The following FAM240C variants were observed in gnomAD, a reference collection of about 807,000 sequenced individuals.
The protein encoded by FAM240C is family with sequence similarity 240 member C, also known as protein FAM240C.
A neutral mutation model predicts 10.0 loss-of-function variants in FAM240C; 14 were observed. The ratio of observed to expected loss-of-function variants is 1.40; its 90% CI spans 0.92 to 2.19. The LOEUF is 2.19. Among genes scored for constraint, FAM240C ranks in the 30% most tolerant of loss-of-function variants. The pLI, the probability that FAM240C is intolerant of heterozygous loss-of-function variation, is 0.00. For missense variants in FAM240C, 154 were observed against 122.3 expected (o/e 1.26, Z -1.22); for synonymous variants, 49 against 44.3 (o/e 1.11, Z -0.42).
chr2:241,899,531 G>C (rs1266495898), intron 1 of FAM240C, among the ~76,000 whole-genome samples: 1 of 152,210 alleles, frequency 6.6e-6, no homozygotes, highest in East Asian at 1.9e-4. Flanking sequence ...CACCTCCTCT[G>C]GTGTCTGGGC....
chr2:241,894,059 C>G lies in FAM240C; in HGVS notation c.*154G>C, dbSNP rs1304160700. 2.4e-6 allele frequency: 2 copies of G among 825,084 alleles called. No homozygotes were observed. Among genetic ancestry groups the G allele is most frequent in the Non-Finnish European group, 3.6e-6 (2 of 548,568 alleles). The allele number at this position is 825,084 out of a possible 1,614,324, so 51.1% of individuals were successfully genotyped here. A position where few individuals can be genotyped will look rare whatever the true frequency, so the allele number is the denominator to read the frequency against. ...CCCTGGGACTCTGCTGCAGCGTGGA[C>G]CCCGAGGTGGGATTATTACGGGGTC... On this transcript the variant is annotated 3_prime_UTR_variant, in exon 3 of 3. Transcript: ENST00000404031.
upstream of FAM240C, among the ~76,000 whole-genome samples, chr2:241,902,001 G>GGAGC (rs1281531574): frequency 6.6e-6 from 1 of 152,242 alleles, no homozygotes; most frequent in Non-Finnish European, 1.5e-5. The surrounding 1 kb of genome is among the most constrained non-coding windows in gnomAD (Gnocchi z 7.1). Flanking sequence ...CGTGCCTGAT[G>GGAGC]GAGCAGCAAG....
chr2:241,900,232 G>A lies in FAM240C; in HGVS notation c.12+126C>T, dbSNP rs1449192548. On this transcript the variant is annotated intron_variant, in intron 1 of 2. Coordinates refer to ENST00000404031, the MANE Select transcript of FAM240C (RefSeq NM_001382368.1). The surrounding 1 kb of genome is among the most constrained non-coding windows in gnomAD (Gnocchi z 4.5). ...AATTACAAAGTTCAGTTCCCCCAGC[G>A]AAATGCGGGTGGGCTCACGTCTTGT... 4.6e-6 allele frequency: 3 copies of A among 656,728 alleles called. No homozygotes were observed. Among genetic ancestry groups the A allele is most frequent in the Non-Finnish European group, 8.6e-6 (3 of 349,780 alleles). 40.7% of individuals were successfully genotyped at this position (656,728 alleles called of 1,614,324 possible).
chr2:241,901,841 G>C (rs373796594), upstream of FAM240C, among the ~76,000 whole-genome samples: 26 of 152,300 alleles, frequency 1.7e-4, no homozygotes, highest in African/African-American at 5.3e-4. The surrounding 1 kb of genome is among the most constrained non-coding windows in gnomAD (Gnocchi z 4.9). Context: ...TCCTATGCGC[G>C]AGCGCCCCGG....
chr2:241,900,471 GC>G, upstream of FAM240C: 1 of 694,702 alleles, frequency 1.4e-6, no homozygotes. This position sits in a 1 kb window ranked among gnomAD's most constrained non-coding sequence, Gnocchi z 4.5. Flanking sequence ...TGTTACATGG[GC>G]TCAGTGACAC....
upstream of FAM240C, among the ~76,000 whole-genome samples, chr2:241,902,317 T>TGCCGCCTCCCCTCCGCC (rs1369992272): frequency 1.1e-4 from 6 of 52,844 alleles, no homozygotes; most frequent in Admixed American, 4.4e-4. The surrounding 1 kb of genome is among the most constrained non-coding windows in gnomAD (Gnocchi z 7.1). Flanking sequence ...GAGTCCCGCC[T>TGCCGCCTCCCCTCCGCC]GCCGCCTCCC....
At chr2:241,898,208 G>A (rs1242811622) in intron 1 of FAM240C, among the ~76,000 whole-genome samples, 2 of 152,166 alleles carry the variant, frequency 1.3e-5, no homozygotes, top group African/African-American at 2.4e-5. Context: ...TTTTGGACTC[G>A]TGCATCTACG....
chr2:241,900,506 C>A, upstream of FAM240C: 2 of 656,246 alleles, frequency 3.0e-6, no homozygotes, highest in South Asian at 3.4e-5. The surrounding 1 kb of genome is among the most constrained non-coding windows in gnomAD (Gnocchi z 4.5). Flanking sequence ...CGGTTCAGTC[C>A]CAGAAAGACG....
chr2:241,901,142 G>C (rs918540068), upstream of FAM240C, among the ~76,000 whole-genome samples: 2 of 152,146 alleles, frequency 1.3e-5, no homozygotes, highest in Non-Finnish European at 2.9e-5. The surrounding 1 kb of genome is among the most constrained non-coding windows in gnomAD (Gnocchi z 4.9). Context: ...CCCAGCACAC[G>C]GGGGTCACCG....
upstream of FAM240C, among the ~76,000 whole-genome samples, chr2:241,902,050 GT>G (rs1701995129): frequency 1.3e-5 from 2 of 152,260 alleles, no homozygotes; most frequent in African/African-American, 4.8e-5. This position sits in a 1 kb window ranked among gnomAD's most constrained non-coding sequence, Gnocchi z 7.1. Flanking sequence ...GTGTTTCGGA[GT>G]TTGTAGGTCA....
intron 1 of FAM240C, chr2:241,899,248 T>G (rs76839945): frequency 0.071 from 92,540 of 1,300,912 alleles, 3,551 homozygotes; most frequent in East Asian, 0.14. Flanking sequence ...GCGCGGGCGC[T>G]GTGGCCTGCG....
upstream of FAM240C, among the ~76,000 whole-genome samples, chr2:241,901,529 G>T (rs889284518): frequency 1.8e-4 from 27 of 152,258 alleles, no homozygotes; most frequent in African/African-American, 6.3e-4. The surrounding 1 kb of genome is among the most constrained non-coding windows in gnomAD (Gnocchi z 4.9). Context: ...ATTGGGAGCT[G>T]TTCGTGATTT....
rs548491236 is a variant in FAM240C, at chr2:241,895,140, G to A, written c.162-801C>T. Among the ~76,000 whole-genome samples, 6 of 152,382 alleles carry A rather than the reference G, an allele frequency of 3.9e-5. No homozygotes were observed. The East Asian group carries it at 1.2e-3, about 29-fold the overall frequency. ...CCAGATGACGATGGTGCTGCTGAGT[G>A]GCAGGCAGTGTACCCCGGACGGCTG... is the stretch of plus-strand genomic sequence containing the variant. On this transcript the variant is annotated intron_variant, in intron 2 of 2. Coordinates refer to ENST00000404031, the MANE Select transcript of FAM240C (RefSeq NM_001382368.1).
intron 1 of FAM240C, chr2:241,899,240 G>C: frequency 3.1e-6 from 4 of 1,302,626 alleles, no homozygotes; most frequent in Non-Finnish European, 4.0e-6. Flanking sequence ...CTGCAGAGGC[G>C]CGGGCGCTGT....
intron 1 of FAM240C, among the ~76,000 whole-genome samples, chr2:241,898,701 G>T (rs1213442996): frequency 6.6e-6 from 1 of 152,228 alleles, no homozygotes; most frequent in Non-Finnish European, 1.5e-5. Flanking sequence ...GTGGAGCCTG[G>T]GTCCCTGGGC....
In FAM240C at chr2:241,899,839, G is replaced by A. The variant is rs141622310; in HGVS notation, c.12+519C>T. 2.6e-3 allele frequency among the ~76,000 whole-genome samples: 392 copies of A among 152,254 alleles called. 1 individual carries two copies. The highest frequency in any genetic ancestry group is 8.9e-3 in the African/African-American group (369 of 41,542). On this transcript the variant is annotated intron_variant, in intron 1 of 2. Transcript: ENST00000404031. ...TCCCAGCACTGTGGGAGGCCGAGGC[G>A]GGCGGATCACGAGGTCAGGAGATCC...
chr2:241,899,530 T>C (rs1701933090), intron 1 of FAM240C, among the ~76,000 whole-genome samples: 1 of 152,190 alleles, frequency 6.6e-6, no homozygotes, highest in Admixed American at 6.5e-5. Flanking sequence ...GCACCTCCTC[T>C]GGTGTCTGGG....
chr2:241,897,030 T>C (rs552596013), intron 2 of FAM240C, among the ~76,000 whole-genome samples, 156 bp downstream of exon 2: 153 of 152,040 alleles, frequency 1.0e-3, no homozygotes, highest in Non-Finnish European at 1.4e-3. Flanking sequence ...AGTTTCCTCC[T>C]GGGTTGACTC....
intron 1 of FAM240C, among the ~76,000 whole-genome samples, chr2:241,899,484 A>G (rs1701932476): frequency 6.6e-6 from 1 of 152,250 alleles, no homozygotes; most frequent in Admixed American, 6.5e-5. Context: ...GGAACCCACC[A>G]GTCAGGGCCG....
Sources: allele counts gnomAD v4.1 joint callset (sites outside exome capture counted in the v4.1 genomes callset), GRCh38; gene constraint gnomAD v4.1.1; non-coding constraint Gnocchi (gnomAD v3.1); transcripts MANE v1.5; gene names NCBI Gene and HGNC (gene_info 2026-07-23, HGNC 2026-07-21).